Variants in PCDH15 observed in about 807,000 individuals in gnomAD.
PCDH15 encodes protocadherin related 15.
PCDH15 carries 129 observed loss-of-function variants against 178.5 expected under a neutral mutation model. The observed-to-expected ratio is 0.72, with a 90% CI of 0.63 to 0.84. PCDH15 has a LOEUF of 0.84. Among genes scored for constraint, PCDH15 ranks in the 40% least tolerant of loss-of-function variants. The pLI, the probability that PCDH15 is intolerant of heterozygous loss-of-function variation, is 0.00. For missense variants in PCDH15, 2,230 were observed against 2,099.9 expected (o/e 1.06, Z -1.21); for synonymous variants, 800 against 732.0 (o/e 1.09, Z -1.50).
At chr10:54,821,512 A>G (rs976822703) in intron 3 of PCDH15, among the ~76,000 whole-genome samples, 8 of 152,170 alleles carry the variant, frequency 5.3e-5, no homozygotes, top group Non-Finnish European at 1.2e-4. Context: ...GTTGGCACAT[A>G]CCAAGAAAAT....
Position 53,827,458 on chromosome 10 carries a change from C to T in PCDH15, c.4302G>A (p.Ala1434=), listed in dbSNP as rs368622542. 8.7e-6 allele frequency: 14 copies of T among 1,613,478 alleles called. No individual in the cohort carries two copies. In the African/African-American group the frequency reaches 1.1e-4, roughly 12 times the overall value. The change falls in exon 32 of 38, where the codon GCG becomes GCA. Residue 1434 remains alanine, a synonymous_variant. Transcript: ENST00000644397. ...GCGGAGGCGGCGGCGGCGGCGGGGG[C>T]GCTGCCACTGGTGCAGGAGCCGGCA... ...PAVPAPAPVA[A]PPPPPPPPPG... is the part of the protein sequence containing the mutation.
At chr10:54,617,755 C>CA (rs71010398) in intron 2 of PCDH15, among the ~76,000 whole-genome samples, 3,136 of 116,924 alleles carry the variant, frequency 0.027, 123 homozygotes, top group African/African-American at 0.091. Flanking sequence ...TCTAAAAATA[C>CA]AAAAAAAAAA....
intron 26 of PCDH15, among the ~76,000 whole-genome samples, chr10:53,887,897 A>C (rs1589256049): frequency 1.3e-5 from 2 of 152,162 alleles, no homozygotes; most frequent in East Asian, 3.9e-4. Flanking sequence ...TCCAAAAAAT[A>C]AAAATAAAAA....
chr10:54,081,376 T>C (rs987193655), intron 16 of PCDH15, among the ~76,000 whole-genome samples: 1 of 152,036 alleles, frequency 6.6e-6, no homozygotes, highest in Non-Finnish European at 1.5e-5. Flanking sequence ...ATTCCAAAAA[T>C]ACTATATGCC....
At chr10:54,416,461 T>A (rs1440865950) in intron 3 of PCDH15, among the ~76,000 whole-genome samples, 1 of 152,172 alleles carries the variant, frequency 6.6e-6, no homozygotes, top group Non-Finnish European at 1.5e-5. Flanking sequence ...GATCTCATTC[T>A]TTTTTATGGC....
At chr10:54,523,289 T>G (rs1018012420) in intron 3 of PCDH15, among the ~76,000 whole-genome samples, 32 of 152,202 alleles carry the variant, frequency 2.1e-4, no homozygotes, top group Admixed American at 1.3e-4. Context: ...ATCTACATTT[T>G]GTTGAATAAA....
chr10:54,239,422 T>C (rs921884191), intron 8 of PCDH15, among the ~76,000 whole-genome samples: 49 of 139,724 alleles, frequency 3.5e-4, no homozygotes, highest in African/African-American at 1.4e-3. Context: ...TAAATATATA[T>C]ATATATATAT....
chr10:54,886,677 G>A (rs547550312), intron 3 of PCDH15, among the ~76,000 whole-genome samples: 130 of 152,320 alleles, frequency 8.5e-4, no homozygotes, highest in Admixed American at 2.2e-3. Flanking sequence ...CAGGAGAATC[G>A]CTTGAACCCC....
chr10:55,207,662 A>C (rs944633554), intron 1 of PCDH15, among the ~76,000 whole-genome samples: 1 of 152,122 alleles, frequency 6.6e-6, no homozygotes, highest in African/African-American at 2.4e-5. Flanking sequence ...TTTGAAAATA[A>C]AATAGGTTCA....
chr10:55,599,359 G>C (rs1843014623), intron 2 of PCDH15: 2 of 152,152 alleles, frequency 1.3e-5, no homozygotes, highest in African/African-American at 4.8e-5. Flanking sequence ...CCTCCTGTAA[G>C]TTTAACTGTT....
At chr10:54,964,877 T>TAATGTATTCTC (rs938832678) in intron 2 of PCDH15, among the ~76,000 whole-genome samples, 2 of 152,178 alleles carry the variant, frequency 1.3e-5, no homozygotes, top group Non-Finnish European at 2.9e-5. Flanking sequence ...TAATGAATGA[T>TAATGTATTCTC]AATGTATTCT....
At chr10:54,902,186 G>A (rs964397285) in intron 2 of PCDH15, among the ~76,000 whole-genome samples, 3 of 152,084 alleles carry the variant, frequency 2.0e-5, no homozygotes, top group African/African-American at 7.2e-5. Context: ...TAATCAATAA[G>A]CTCTATACCT....
intron 2 of PCDH15, among the ~76,000 whole-genome samples, chr10:54,639,033 C>A (rs11004424): frequency 2.0e-5 from 3 of 152,122 alleles, no homozygotes; most frequent in African/African-American, 4.8e-5. Flanking sequence ...CAATATCCTA[C>A]CTTAACAAGC....
chr10:54,929,325 G>C (rs1309638973), intron 2 of PCDH15, among the ~76,000 whole-genome samples: 1 of 152,088 alleles, frequency 6.6e-6, no homozygotes, highest in African/African-American at 2.4e-5. Flanking sequence ...CTTGACTCCT[G>C]GTCACTACAC....
At chr10:54,862,335 T>C (rs1241218084) in intron 3 of PCDH15, among the ~76,000 whole-genome samples, 1 of 152,204 alleles carries the variant, frequency 6.6e-6, no homozygotes, top group African/African-American at 2.4e-5. Flanking sequence ...TTGGTAAAAG[T>C]CTGAAAATAA....
intron 15 of PCDH15, among the ~76,000 whole-genome samples, chr10:54,118,155 C>A (rs955521245): frequency 2.0e-5 from 3 of 152,250 alleles, no homozygotes; most frequent in African/African-American, 4.8e-5. Flanking sequence ...TACAAGTCTA[C>A]AGTAACCAAA....
In PCDH15 at chr10:53,941,213, T is replaced by C. The variant is rs2384340; in HGVS notation, c.3123-238A>G. 0.76 allele frequency among the ~76,000 whole-genome samples: 115,789 copies of C among 151,456 alleles called. 44,664 individuals carry two copies. Among genetic ancestry groups the C allele is most frequent in the East Asian group, 1 (5,123 of 5,138 alleles). On this transcript the variant is annotated intron_variant, in intron 23 of 37. Transcript: ENST00000644397. ...ATCATTTACATGAGGGTGCATATTG[T>C]TGTTGTACATTTTATGAGTTTGGAC...
intron 13 of PCDH15, among the ~76,000 whole-genome samples, chr10:54,173,238 TTAG>T (rs2047087843): frequency 6.6e-6 from 1 of 152,174 alleles, no homozygotes; most frequent in Non-Finnish European, 1.5e-5. Context: ...CCTTTCTTCA[TTAG>T]TAGTCTAGTA....
chr10:54,527,808 T>A lies in PCDH15; in HGVS notation c.157+4A>T. ...GACATTTGTAAAATAAAAAACTCAC[T>A]TACCATTCCGACTTTCTTCATCAAT... On this transcript the variant is annotated splice_donor_region_variant and intron_variant, in intron 3 of 37. Coordinates refer to ENST00000644397, the MANE Select transcript of PCDH15 (RefSeq NM_001384140.1). 1.2e-6 allele frequency: 2 copies of A among 1,604,160 alleles called. No individual in the cohort carries two copies. The highest frequency in any genetic ancestry group is 1.7e-6 in the Non-Finnish European group (2 of 1,172,756).
Sources: gnomAD v4.1 joint callset for allele counts (sites outside exome capture counted in the v4.1 genomes callset) on GRCh38, gnomAD v4.1.1 for gene constraint, MANE v1.5 for transcripts, NCBI Gene and HGNC (gene_info 2026-07-23, HGNC 2026-07-21) for gene names.